The following TLCD3B variants were observed in gnomAD, a reference collection of about 807,000 sequenced individuals.
TLCD3B encodes ceramide synthase.
TLCD3B carries 9 observed loss-of-function variants against 23.0 expected under a neutral mutation model. The observed-to-expected ratio is 0.39, with a 90% CI of 0.24 to 0.68. The LOEUF (loss-of-function observed/expected upper bound fraction) is 0.68, where lower values mean the gene tolerates loss of function less well. TLCD3B is among the 30% of genes least tolerant of loss of function. TLCD3B has a pLI of 0.44. For synonymous variants in TLCD3B, 161 were observed against 161.0 expected (o/e 1.00, Z 0.00); for missense variants, 307 against 371.8 (o/e 0.83, Z 1.43).
chr16:30,050,367 C>A (rs570381487), intron 1 of TLCD3B, among the ~76,000 whole-genome samples: 1 of 152,128 alleles, frequency 6.6e-6, no homozygotes, highest in East Asian at 1.9e-4. Context: ...AGTGAGACCC[C>A]GTCTATACAA....
chr16:30,034,799 C>T (rs188522767), upstream of TLCD3B, among the ~76,000 whole-genome samples: 383 of 152,098 alleles, frequency 2.5e-3, 3 homozygotes, highest in Middle Eastern at 0.02. Context: ...AACATCTCCA[C>T]GAAGAAAGGA....
chr16:30,034,341 G>A (rs1286676732), upstream of TLCD3B, among the ~76,000 whole-genome samples: 1 of 144,248 alleles, frequency 6.9e-6, no homozygotes, highest in Non-Finnish European at 1.5e-5. Flanking sequence ...CGGAGGCTGA[G>A]AAGGAACAAT....
chr16:30,046,541 T>C (rs2071677330), intron 1 of TLCD3B: 1 of 145,358 alleles, frequency 6.9e-6, no homozygotes, highest in Non-Finnish European at 1.5e-5. Context: ...TGCCAGAGCA[T>C]TTATTATTTA....
intron 2 of TLCD3B, chr16:30,027,090 T>C: frequency 1.6e-6 from 1 of 617,358 alleles, no homozygotes; most frequent in Non-Finnish European, 3.0e-6. Flanking sequence ...CTCTGCAGTA[T>C]AGTCGGGGGA....
chr16:30,027,237 A>G (rs974768762), intron 2 of TLCD3B: 5 of 454,890 alleles, frequency 1.1e-5, no homozygotes, highest in African/African-American at 1.0e-4. Context: ...CAACAGCTGA[A>G]GGGGCGAGAG....
At chr16:30,035,733 C>A (rs571023608), upstream of TLCD3B, among the ~76,000 whole-genome samples, 20 of 149,284 alleles carry the variant, frequency 1.3e-4, no homozygotes, top group East Asian at 2.1e-3. Flanking sequence ...TCAATTTAGA[C>A]AATTTCTTTT....
chr16:30,027,555 C>T, intron 2 of TLCD3B: 1 of 456,090 alleles, frequency 2.2e-6, no homozygotes, highest in South Asian at 1.5e-5. Flanking sequence ...GCTGTTCGCC[C>T]TGCCCCAAAG....
intron 1 of TLCD3B, among the ~76,000 whole-genome samples, chr16:30,050,263 G>C (rs1243059269): frequency 6.6e-6 from 1 of 152,204 alleles, no homozygotes; most frequent in East Asian, 1.9e-4. Context: ...CCAAGGCCGG[G>C]CACAGTGGTT....
At chr16:30,041,837 G>A (rs1418581557) in intron 2 of TLCD3B, among the ~76,000 whole-genome samples, 2 of 150,960 alleles carry the variant, frequency 1.3e-5, no homozygotes, top group East Asian at 3.9e-4. Context: ...GAAAACCTTT[G>A]CACAACACAT....
At chr16:30,035,678 G>A (rs1238515399), upstream of TLCD3B, among the ~76,000 whole-genome samples, 1 of 151,904 alleles carries the variant, frequency 6.6e-6, no homozygotes, top group East Asian at 1.9e-4. Flanking sequence ...TCCTCATCCG[G>A]GGCAATTCGA....
At chr16:30,034,038 CA>C (rs2071418646), upstream of TLCD3B, among the ~76,000 whole-genome samples, 1 of 151,766 alleles carries the variant, frequency 6.6e-6, no homozygotes, top group Admixed American at 6.6e-5. Flanking sequence ...CTCAGGAAGC[CA>C]AGGCAGGAGG....
At chr16:30,051,535 A>G (rs181522608) in intron 1 of TLCD3B, among the ~76,000 whole-genome samples, 5,093 of 149,642 alleles carry the variant, frequency 0.034, 108 homozygotes, top group African/African-American at 0.054. Context: ...AAAAAAAAAA[A>G]AAAAGAAAAG....
At chr16:30,052,863 G>C (rs1397739830) in exon 1 of TLCD3B, 1 of 152,194 alleles carries the variant, frequency 6.6e-6, no homozygotes, top group Non-Finnish European at 1.5e-5. Flanking sequence ...TAGCCTGGGG[G>C]TTCAATCCTC....
In TLCD3B at chr16:30,029,526, G is replaced by C. The variant is rs1567300740; in HGVS notation, c.126-11C>G. On this transcript the variant is annotated splice_polypyrimidine_tract_variant and intron_variant, in intron 1 of 4. Transcript: ENST00000380495. This position sits in a 1 kb window ranked among gnomAD's most constrained non-coding sequence, Gnocchi z 4.6. ...ACAGAGGACACCAGCCTGGGGGAGA[G>C]AGGGAGGCGTGCTAGAAAGGCAGAA... 2 of 1,611,338 alleles carry C rather than the reference G, an allele frequency of 1.2e-6. No individual in the cohort carries two copies. Among genetic ancestry groups the C allele is most frequent in the Middle Eastern group, 1.7e-4 (1 of 6,058 alleles).
chr16:30,025,788 C>G lies in TLCD3B; in HGVS notation c.478G>C (p.Gly160Arg). The G allele has an allele frequency of 6.2e-7, 1 of 1,614,100 alleles. No individual in the cohort carries two copies. The highest frequency in any genetic ancestry group is 8.5e-7 in the Non-Finnish European group (1 of 1,180,022). ...CTGACCTCTGCCATCAACATGCAACCCAGAAAGAAGTCTCCCTTACCCTGT... is the reference window on the plus strand; with the variant it reads ...CTGACCTCTGCCATCAACATGCAACGCAGAAAGAAGTCTCCCTTACCCTGT... ...WRQGKGDFFL[G>R]CMLMAEVSTP... is the part of the protein sequence containing the mutation. The change falls in exon 4 of 5, where the codon GGT becomes CGT. Residue 160 changes from glycine (G) to arginine (R), a missense_variant. Coordinates refer to ENST00000380495, the MANE Select transcript of TLCD3B (RefSeq NM_031478.6). This position sits in a 1 kb window ranked among gnomAD's most constrained non-coding sequence, Gnocchi z 4.1.
chr16:30,036,313 T>G, intron 3 of TLCD3B: 1 of 1,288,996 alleles, frequency 7.8e-7, no homozygotes, highest in Non-Finnish European at 1.0e-6. Flanking sequence ...GTTGTTCCAT[T>G]AAAAAAGAAA....
chr16:30,034,008 T>G (rs2071418180), upstream of TLCD3B, among the ~76,000 whole-genome samples: 1 of 151,550 alleles, frequency 6.6e-6, no homozygotes, highest in Non-Finnish European at 1.5e-5. Flanking sequence ...CACAATGACA[T>G]GCACCTGTAG....
At chr16:30,031,915 C>T (rs1771578230), upstream of TLCD3B, among the ~76,000 whole-genome samples, 1 of 152,162 alleles carries the variant, frequency 6.6e-6, no homozygotes, top group Admixed American at 6.5e-5. Context: ...GAAGGGGAAA[C>T]GGTGGCGAGA....
intron 2 of TLCD3B, among the ~76,000 whole-genome samples, chr16:30,041,768 C>T (rs1489608127): frequency 6.7e-6 from 1 of 149,164 alleles, no homozygotes; most frequent in African/African-American, 2.5e-5. Flanking sequence ...TGAGCCATGG[C>T]GCCCAGCCGA....
Sources: gnomAD v4.1 joint callset for allele counts (sites outside exome capture counted in the v4.1 genomes callset) on GRCh38, gnomAD v4.1.1 for gene constraint, Gnocchi (gnomAD v3.1) non-coding constraint, MANE v1.5 for transcripts, NCBI Gene and HGNC (gene_info 2026-07-23, HGNC 2026-07-21) for gene names.